SLC7A14: variants seen among roughly 807,000 people sequenced by gnomAD.
SLC7A14 encodes the protein gamma-aminobutyric acid transporter SLC7A14.
A neutral mutation model predicts 60.2 loss-of-function variants in SLC7A14; 37 were observed. The observed-to-expected ratio is 0.61, with a 90% CI of 0.47 to 0.81. SLC7A14 has a LOEUF of 0.81. SLC7A14 is among the 30% of genes least tolerant of loss of function. The pLI, the probability that SLC7A14 is intolerant of heterozygous loss-of-function variation, is 0.00. For synonymous variants in SLC7A14, 399 were observed against 395.8 expected (o/e 1.01, Z -0.10); for missense variants, 886 against 982.7 (o/e 0.90, Z 1.32).
intron 2 of SLC7A14, 73 bp downstream of exon 2, chr3:170,526,560 G>T: frequency 6.5e-7 from 1 of 1,540,690 alleles, no homozygotes; most frequent in South Asian, 1.2e-5. Context: ...AAATACTCCG[G>T]AGAAAGGGGA....
rs922867230 is a variant in SLC7A14 at position 170,543,061 on chromosome 3, G to T, written c.-152-15973C>A. 3.9e-5 allele frequency among the ~76,000 whole-genome samples: 6 copies of T among 152,106 alleles called. No homozygotes were observed. The South Asian group carries it at 1.2e-3, about 32-fold the overall frequency. ...AATAAAAATATTCCTTAAAGCAGAG[G>T]GCTAGATGGTTTATAAACTTTCAGG... On this transcript the variant is annotated intron_variant, in intron 1 of 7. Coordinates refer to ENST00000231706, the MANE Select transcript of SLC7A14 (RefSeq NM_020949.3).
In SLC7A14 at chr3:170,460,041, A is replaced by C. The variant is rs375404531; in HGVS notation, c.*7014T>G. The C allele has an allele frequency of 5.9e-5, 9 of 152,316 alleles. No individual in the cohort carries two copies. Among genetic ancestry groups the C allele is most frequent in the African/African-American group, 2.2e-4 (9 of 41,558 alleles). The allele number at this position is 152,316 out of a possible 1,614,324, so 9.4% of individuals were successfully genotyped here. A position where few individuals can be genotyped will look rare whatever the true frequency, so the allele number is the denominator to read the frequency against. ...AAAACACATTTCATAATACATCTGC[A>C]TATTATTTCTTTCTTCATGATACAC... is the stretch of plus-strand genomic sequence containing the variant. On this transcript the variant is annotated 3_prime_UTR_variant, in exon 8 of 8. Coordinates refer to ENST00000231706, the MANE Select transcript of SLC7A14 (RefSeq NM_020949.3).
At chr3:170,496,493 G>A (rs16834205) in intron 4 of SLC7A14, 86,617 of 1,431,618 alleles carry the variant, frequency 0.061, 3,101 homozygotes, top group East Asian at 0.16. Context: ...CCAAGCGGTC[G>A]GAGCTGGAGG....
chr3:170,550,087 G>A (rs1285487746), intron 1 of SLC7A14, among the ~76,000 whole-genome samples: 5 of 152,228 alleles, frequency 3.3e-5, no homozygotes, highest in African/African-American at 1.2e-4. Flanking sequence ...AAATAAGTCA[G>A]TGGTCCTCAA....
rs1227578744 is a variant in SLC7A14 at position 170,495,988 on chromosome 3, G to A, written c.759+2679C>T. 17 of 1,152,880 alleles carry A rather than the reference G, an allele frequency of 1.5e-5. No individual in the cohort carries two copies. In the East Asian group the frequency reaches 2.6e-4, roughly 17 times the overall value. 71.4% of individuals were successfully genotyped at this position (1,152,880 alleles called of 1,614,324 possible). On this transcript the variant is annotated intron_variant, in intron 4 of 7. Transcript: ENST00000231706. ...AAGTATGAGGATGAGATCAATAAGC[G>A]TACAGAAACGGAGAATGAATTTGTC...
At chr3:170,491,938 T>C (rs1242822373) in intron 4 of SLC7A14, among the ~76,000 whole-genome samples, 1 of 152,052 alleles carries the variant, frequency 6.6e-6, no homozygotes, top group African/African-American at 2.4e-5. Context: ...ATAGATGAAA[T>C]AAACAGATTA....
intron 2 of SLC7A14, among the ~76,000 whole-genome samples, chr3:170,508,627 C>T (rs895785538): frequency 6.6e-5 from 10 of 152,172 alleles, no homozygotes; most frequent in African/African-American, 2.4e-4. Context: ...TACTTAGGCC[C>T]AAACATGTCT....
chr3:170,571,870 C>A (rs577720750), intron 1 of SLC7A14, among the ~76,000 whole-genome samples: 11 of 151,980 alleles, frequency 7.2e-5, no homozygotes, highest in Admixed American at 4.6e-4. Context: ...ACCAGCCTGG[C>A]CAATATGGTG....
chr3:170,508,819 G>A (rs1466557316), intron 2 of SLC7A14, among the ~76,000 whole-genome samples: 1 of 152,182 alleles, frequency 6.6e-6, no homozygotes, highest in African/African-American at 2.4e-5. Context: ...GGGGTATGAA[G>A]AGAAATCACA....
intron 1 of SLC7A14, among the ~76,000 whole-genome samples, chr3:170,571,120 C>T (rs911010303): frequency 6.6e-6 from 1 of 152,178 alleles, no homozygotes; most frequent in Non-Finnish European, 1.5e-5. Flanking sequence ...AAATTACTTG[C>T]CTTCCTTTCA....
At chr3:170,491,132 G>A (rs746210577) in intron 4 of SLC7A14, among the ~76,000 whole-genome samples, 1 of 152,172 alleles carries the variant, frequency 6.6e-6, no homozygotes. Context: ...CAGAGATTGA[G>A]TCTAGAGGAT....
chr3:170,580,284 T>A (rs1715201500), intron 1 of SLC7A14, among the ~76,000 whole-genome samples: 1 of 152,250 alleles, frequency 6.6e-6, no homozygotes, highest in Non-Finnish European at 1.5e-5. Flanking sequence ...AAAGCTACAT[T>A]GTCAGTTCTC....
chr3:170,496,334 G>A (rs1712392354), intron 4 of SLC7A14: 4 of 1,128,336 alleles, frequency 3.5e-6, no homozygotes, highest in Non-Finnish European at 5.4e-6. Flanking sequence ...ATGACCTGCG[G>A]TGTACAAAGA....
intron 1 of SLC7A14, among the ~76,000 whole-genome samples, chr3:170,531,528 T>C (rs1016301852): frequency 1.3e-4 from 20 of 152,224 alleles, no homozygotes; most frequent in Non-Finnish European, 1.8e-4. Context: ...TCCTATTCTC[T>C]TCACGCAATT....
intron 1 of SLC7A14, among the ~76,000 whole-genome samples, chr3:170,575,304 C>T (rs913685420): frequency 7.2e-5 from 11 of 152,148 alleles, no homozygotes; most frequent in Non-Finnish European, 1.5e-4. Context: ...ATTTACAGAA[C>T]CACCAGAGAT....
chr3:170,534,453 A>C (rs544278348), intron 1 of SLC7A14, among the ~76,000 whole-genome samples: 3 of 152,352 alleles, frequency 2.0e-5, no homozygotes, highest in Middle Eastern at 3.4e-3. Flanking sequence ...GGTGAGTCAC[A>C]TGGCACAGGG....
intron 1 of SLC7A14, among the ~76,000 whole-genome samples, chr3:170,578,301 A>G (rs1459742341): frequency 1.3e-5 from 2 of 152,252 alleles, no homozygotes; most frequent in Non-Finnish European, 2.9e-5. Flanking sequence ...CAAAAGCACA[A>G]GAGCCATCTT....
Position 170,495,876 on chromosome 3 carries a change from C to T in SLC7A14, c.759+2791G>A, listed in dbSNP as rs1205507191. ...TGAGAGCTACATGAACAACCTTAGG[C>T]GGCAGCTGGAGGCTCTGGGCTAGGA... is the stretch of plus-strand genomic sequence containing the variant. On this transcript the variant is annotated intron_variant, in intron 4 of 7. Transcript: ENST00000231706. The T allele has an allele frequency of 1.1e-5, 14 of 1,318,668 alleles. No homozygotes were observed. In the Middle Eastern group the frequency reaches 6.8e-4, roughly 64 times the overall value. 81.7% of individuals were successfully genotyped at this position (1,318,668 alleles called of 1,614,324 possible).
rs193105244 is a variant in SLC7A14 at position 170,485,852 on chromosome 3, G to C, written c.906+370C>G. Among the ~76,000 whole-genome samples the C allele has an allele frequency of 7.9e-5, 12 of 152,290 alleles. No homozygotes were observed. The East Asian group carries it at 2.1e-3, about 27-fold the overall frequency. On this transcript the variant is annotated intron_variant, in intron 5 of 7. Coordinates refer to ENST00000231706, the MANE Select transcript of SLC7A14 (RefSeq NM_020949.3). ...CTCCCAGAAGACAGAAGAGCATTGAGGAAAGTGCACAGAGGCCCACAATGC... is the reference window on the plus strand; with the variant it reads ...CTCCCAGAAGACAGAAGAGCATTGACGAAAGTGCACAGAGGCCCACAATGC...
Sources: gnomAD v4.1 joint callset for allele counts (sites outside exome capture counted in the v4.1 genomes callset) on GRCh38, gnomAD v4.1.1 for gene constraint, MANE v1.5 for transcripts, NCBI Gene and HGNC (gene_info 2026-07-23, HGNC 2026-07-21) for gene names.